Variants in CLASP1 observed in about 807,000 individuals in gnomAD.
CLASP1 encodes CLIP-associating protein 1.
Under a neutral mutation model 192.3 loss-of-function variants are expected in CLASP1, and 38 were observed. The ratio of observed to expected loss-of-function variants is 0.20; its 90% CI spans 0.15 to 0.26. The LOEUF (loss-of-function observed/expected upper bound fraction) is 0.26, where lower values mean the gene tolerates loss of function less well. CLASP1 is among the 10% of genes least tolerant of loss of function. CLASP1 has a pLI of 1.00. For synonymous variants in CLASP1, 691 were observed against 712.8 expected, an observed-to-expected ratio of 0.97 and a Z score of 0.49; for missense variants, 1,433 against 1,932.5, an observed-to-expected ratio of 0.74 and a Z score of 4.85.
At chr2:121,373,930 G>C (rs1001803456) in intron 34 of CLASP1, among the ~76,000 whole-genome samples, 1 of 152,230 alleles carries the variant, frequency 6.6e-6, no homozygotes, top group African/African-American at 2.4e-5. Context: ...CAACCAGGCA[G>C]GAGAAAAGAA....
chr2:121,348,137 T>C (rs2063708840), intron 38 of CLASP1, among the ~76,000 whole-genome samples: 1 of 152,192 alleles, frequency 6.6e-6, no homozygotes, highest in East Asian at 1.9e-4. Context: ...AGTATTTGTG[T>C]GCTGCATGAG....
intron 7 of CLASP1, among the ~76,000 whole-genome samples, chr2:121,513,676 G>A (rs929708593): frequency 6.6e-6 from 1 of 152,192 alleles, no homozygotes; most frequent in Admixed American, 6.5e-5. Flanking sequence ...AGCACAATCA[G>A]CAAAGGAGAA....
intron 6 of CLASP1, among the ~76,000 whole-genome samples, chr2:121,518,764 G>C (rs1435573972): frequency 6.6e-6 from 1 of 152,070 alleles, no homozygotes; most frequent in South Asian, 2.1e-4. Context: ...GTTAGTCCCA[G>C]CTACTTGGGA....
At chr2:121,557,980 C>T (rs2058727935) in intron 2 of CLASP1, among the ~76,000 whole-genome samples, 1 of 148,586 alleles carries the variant, frequency 6.7e-6, no homozygotes, top group African/African-American at 2.5e-5. Context: ...ACTCAGGAGG[C>T]TGAGGCAGAG....
At chr2:121,611,040 C>T (rs200308247) in intron 1 of CLASP1, among the ~76,000 whole-genome samples, 2 of 45,052 alleles carry the variant, frequency 4.4e-5, no homozygotes, top group Non-Finnish European at 8.5e-5. Flanking sequence ...TGGAGGAGGA[C>T]GAGTTGGAGG....
At chr2:121,349,992 T>C (rs775004817) in intron 37 of CLASP1, among the ~76,000 whole-genome samples, 4 of 152,182 alleles carry the variant, frequency 2.6e-5, no homozygotes, top group Non-Finnish European at 5.9e-5. Context: ...ACTCAAGATA[T>C]AGTCAGTAAA....
chr2:121,379,612 C>T (rs909597517), intron 33 of CLASP1, among the ~76,000 whole-genome samples: 4 of 152,004 alleles, frequency 2.6e-5, no homozygotes, highest in Non-Finnish European at 5.9e-5. Context: ...TTAATCACAA[C>T]AACCAAAAAT....
intron 1 of CLASP1, among the ~76,000 whole-genome samples, chr2:121,619,603 A>C (rs1222764375): frequency 1.3e-5 from 2 of 152,180 alleles, no homozygotes; most frequent in East Asian, 1.9e-4. Flanking sequence ...ATAGAAACAA[A>C]TACTACACAG....
At chr2:121,407,741 G>A (rs775568983) in intron 24 of CLASP1, 26 bp from the exon 26 acceptor site, 6 of 1,613,542 alleles carry the variant, frequency 3.7e-6, no homozygotes, top group Admixed American at 1.7e-5. Flanking sequence ...AGGGATGGGA[G>A]TGATTGAGGA....
intron 19 of CLASP1, chr2:121,445,324 A>C: frequency 2.3e-6 from 1 of 442,238 alleles, no homozygotes; most frequent in Non-Finnish European, 4.1e-6. Context: ...GAGAGGAGGA[A>C]CTAGAAGCTA....
At chr2:121,418,600 G>A (rs1350059107) in intron 23 of CLASP1, 22 bp downstream of exon 23, 5 of 1,560,054 alleles carry the variant, frequency 3.2e-6, no homozygotes, top group Non-Finnish European at 3.5e-6. Context: ...TTGCTCCTCA[G>A]CCAGCACCTA....
At chr2:121,430,314 T>G in intron 19 of CLASP1, 137 bp from the exon 20 acceptor site, 1 of 636,612 alleles carries the variant, frequency 1.6e-6, no homozygotes, top group Admixed American at 2.8e-5. Flanking sequence ...GAGCAGATCC[T>G]CCACACGAGG....
intron 2 of CLASP1, chr2:121,532,556 G>A (rs1186358643): frequency 2.0e-5 from 3 of 152,180 alleles, no homozygotes; most frequent in African/African-American, 7.2e-5. Context: ...GAAAACATCA[G>A]AGAAATTCCA....
At chr2:121,519,341 C>T (rs1258449973) in intron 6 of CLASP1, among the ~76,000 whole-genome samples, 2 of 152,170 alleles carry the variant, frequency 1.3e-5, no homozygotes, top group Non-Finnish European at 2.9e-5. Flanking sequence ...TGAGTGATTG[C>T]AGCAGGCTGA....
At chr2:121,584,405 A>G (rs1576234928) in intron 2 of CLASP1, among the ~76,000 whole-genome samples, 1 of 152,178 alleles carries the variant, frequency 6.6e-6, no homozygotes, top group Non-Finnish European at 1.5e-5. Flanking sequence ...TTAAACAGTC[A>G]AATAGCTGCT....
intron 9 of CLASP1, among the ~76,000 whole-genome samples, chr2:121,469,465 A>AG (rs2149962491): frequency 6.6e-6 from 1 of 152,316 alleles, no homozygotes; most frequent in African/African-American, 2.4e-5. Context: ...AAATGCCCCT[A>AG]GTGGTTTCAG....
At chr2:121,513,553 C>T (rs2094201921) in intron 7 of CLASP1, among the ~76,000 whole-genome samples, 1 of 152,160 alleles carries the variant, frequency 6.6e-6, no homozygotes, top group African/African-American at 2.4e-5. Flanking sequence ...TGAGGTCCCA[C>T]TGTGTTGGGG....
chr2:121,456,213 A>G (rs917352098), intron 14 of CLASP1, among the ~76,000 whole-genome samples: 3 of 151,956 alleles, frequency 2.0e-5, no homozygotes, highest in Admixed American at 1.3e-4. Flanking sequence ...AATTAAAAAA[A>G]CAAAGATTGG....
intron 2 of CLASP1, among the ~76,000 whole-genome samples, chr2:121,595,927 C>G (rs1250957028): frequency 6.6e-6 from 1 of 152,218 alleles, no homozygotes; most frequent in Non-Finnish European, 1.5e-5. Flanking sequence ...CATGGGCTTA[C>G]TGAATCCTCT....
Sources: allele counts gnomAD v4.1 joint callset (sites outside exome capture counted in the v4.1 genomes callset), GRCh38; gene constraint gnomAD v4.1.1; transcripts MANE v1.5; gene names NCBI Gene and HGNC (gene_info 2026-07-23, HGNC 2026-07-21).